Variants in PLEKHA7 observed in about 807,000 individuals in gnomAD.
PLEKHA7 encodes pleckstrin homology domain containing A7, also known as pleckstrin homology domain-containing family A member 7.
Under a neutral mutation model 170.0 loss-of-function variants are expected in PLEKHA7, and 104 were observed. That is an observed-to-expected ratio of 0.61 (90% CI 0.52 to 0.72). PLEKHA7 has a LOEUF of 0.72. Among genes scored for constraint, PLEKHA7 ranks in the 30% least tolerant of loss-of-function variants. The pLI is 0.00. For missense variants in PLEKHA7, 1,615 were observed against 1,671.7 expected, an observed-to-expected ratio of 0.97 and a Z score of 0.59; for synonymous variants, 648 against 660.8, an observed-to-expected ratio of 0.98 and a Z score of 0.30.
At chr11:16,972,962 T>C (rs1862818288) in intron 3 of PLEKHA7, among the ~76,000 whole-genome samples, 1 of 152,208 alleles carries the variant, frequency 6.6e-6, no homozygotes, top group South Asian at 2.1e-4. Context: ...GATGGTTTTA[T>C]AGAAAGAAAG....
intron 3 of PLEKHA7, among the ~76,000 whole-genome samples, chr11:16,947,987 T>A (rs1266213488): frequency 1.3e-5 from 2 of 150,062 alleles, no homozygotes; most frequent in Non-Finnish European, 3.0e-5. Context: ...AATGGAACAC[T>A]AGTCTGCCTT....
chr11:16,996,381 G>C (rs905089967), intron 3 of PLEKHA7, among the ~76,000 whole-genome samples: 18 of 152,162 alleles, frequency 1.2e-4, no homozygotes, highest in African/African-American at 2.7e-4. Flanking sequence ...AGACTCTCAG[G>C]GGGGTGGTCC....
At chr11:16,863,371 A>G (rs1287773564) in intron 4 of PLEKHA7, among the ~76,000 whole-genome samples, 3 of 152,146 alleles carry the variant, frequency 2.0e-5, no homozygotes, top group South Asian at 2.1e-4. Flanking sequence ...TCAGACCCCA[A>G]TGGAAACAAC....
intron 3 of PLEKHA7, among the ~76,000 whole-genome samples, chr11:16,960,585 T>C (rs1448531334): frequency 6.6e-6 from 1 of 152,044 alleles, no homozygotes; most frequent in Non-Finnish European, 1.5e-5. Context: ...CCATGTGAAG[T>C]ATCCAGCACA....
chr11:16,843,042 T>G (rs1006163646), intron 8 of PLEKHA7, among the ~76,000 whole-genome samples: 12 of 152,258 alleles, frequency 7.9e-5, no homozygotes, highest in African/African-American at 2.9e-4. Flanking sequence ...CCTCTATAAA[T>G]GTAAGCTACA....
chr11:16,925,160 A>G (rs926224076), intron 3 of PLEKHA7, among the ~76,000 whole-genome samples: 6 of 152,040 alleles, frequency 3.9e-5, no homozygotes, highest in African/African-American at 1.4e-4. Flanking sequence ...CGCAGCCCGC[A>G]CGCCTGCGGG....
chr11:16,863,852 A>G (rs1033051243), intron 4 of PLEKHA7, among the ~76,000 whole-genome samples: 1 of 130,814 alleles, frequency 7.6e-6, no homozygotes, highest in African/African-American at 2.6e-5. Flanking sequence ...AAAGTCACTG[A>G]GAATCAGGAA....
chr11:16,778,008 G>A lies in PLEKHA7; in HGVS notation c.*990C>T, dbSNP rs10832681. 0.27 allele frequency: 41,829 copies of A among 152,198 alleles called. 6,781 individuals are homozygous for A. Among genetic ancestry groups the A allele is most frequent in the East Asian group, 0.4 (2,055 of 5,180 alleles). The allele number at this position is 152,198 out of a possible 1,614,324, so 9.4% of individuals were successfully genotyped here. ...AAGCAGGCTGGGCGTGGTGGCTCAC[G>A]GCTGTAATCCCAACACTTTGGGATG... On this transcript the variant is annotated 3_prime_UTR_variant, in exon 27 of 27. Transcript: ENST00000531066.
intron 9 of PLEKHA7, among the ~76,000 whole-genome samples, chr11:16,834,134 C>T (rs1306576238): frequency 6.7e-6 from 1 of 150,256 alleles, no homozygotes; most frequent in Non-Finnish European, 1.5e-5. Context: ...TCTCAGCCTC[C>T]TGAGTAGCTG....
chr11:16,933,824 C>T (rs1249517796), intron 3 of PLEKHA7, among the ~76,000 whole-genome samples: 1 of 152,168 alleles, frequency 6.6e-6, no homozygotes, highest in South Asian at 2.1e-4. Flanking sequence ...GCTCTCCCAG[C>T]TAGAGACCTT....
At chr11:16,781,458 C>A (rs147666690) in intron 26 of PLEKHA7, among the ~76,000 whole-genome samples, 128 of 152,248 alleles carry the variant, frequency 8.4e-4, no homozygotes, top group African/African-American at 2.9e-3. Flanking sequence ...GGGGGAGCCG[C>A]CCCTGCTCGA....
intron 3 of PLEKHA7, among the ~76,000 whole-genome samples, chr11:16,989,978 A>C (rs1002107353): frequency 6.6e-6 from 1 of 151,818 alleles, no homozygotes; most frequent in African/African-American, 2.4e-5. Context: ...AAAACCTCCA[A>C]CACTAGAGAG....
chr11:16,927,166 G>A (rs568207224), intron 3 of PLEKHA7, among the ~76,000 whole-genome samples: 6 of 152,284 alleles, frequency 3.9e-5, no homozygotes, highest in Admixed American at 3.3e-4. Context: ...GTGACAAAGC[G>A]AGATCTTGTC....
At chr11:16,931,158 A>G (rs1859894312) in intron 3 of PLEKHA7, among the ~76,000 whole-genome samples, 1 of 152,204 alleles carries the variant, frequency 6.6e-6, no homozygotes, top group African/African-American at 2.4e-5. Flanking sequence ...AGCTAGAACA[A>G]CTATGGCCAA....
intron 3 of PLEKHA7, among the ~76,000 whole-genome samples, chr11:16,884,701 C>A (rs1370765514): frequency 1.3e-5 from 2 of 151,488 alleles, no homozygotes; most frequent in African/African-American, 2.4e-5. Context: ...CAAAAAAAAA[C>A]AAAAACTGTC....
chr11:16,947,328 C>T (rs1197112244), intron 3 of PLEKHA7, among the ~76,000 whole-genome samples: 1 of 152,138 alleles, frequency 6.6e-6, no homozygotes, highest in East Asian at 1.9e-4. Flanking sequence ...TGGTGGCTCA[C>T]ACCTGCAATC....
intron 21 of PLEKHA7, 199 bp from the exon 22 acceptor site, chr11:16,790,077 C>G (rs1476977962): frequency 3.4e-6 from 2 of 582,046 alleles, no homozygotes; most frequent in Admixed American, 6.0e-5. Context: ...GACCTTTGTC[C>G]CTGATGGGGG....
intron 3 of PLEKHA7, 118 bp downstream of exon 3, chr11:17,013,871 G>C: frequency 8.4e-7 from 1 of 1,185,460 alleles, no homozygotes; most frequent in East Asian, 3.2e-5. Context: ...CCGCGGCGCA[G>C]CGCGCGCCAA....
intron 9 of PLEKHA7, among the ~76,000 whole-genome samples, chr11:16,833,137 G>C (rs1029535853): frequency 8.5e-5 from 13 of 152,164 alleles, no homozygotes; most frequent in African/African-American, 3.1e-4. Context: ...CCTTGGGATG[G>C]AGGGAGAATA....
Sources: allele counts gnomAD v4.1 joint callset (sites outside exome capture counted in the v4.1 genomes callset), GRCh38; gene constraint gnomAD v4.1.1; transcripts MANE v1.5; gene names NCBI Gene and HGNC (gene_info 2026-07-23, HGNC 2026-07-21).